KIF27: variants seen among roughly 807,000 people sequenced by gnomAD.
KIF27 encodes kinesin-like protein KIF27.
A neutral mutation model predicts 141.8 loss-of-function variants in KIF27; 84 were observed. The ratio of observed to expected loss-of-function variants is 0.59; its 90% CI spans 0.50 to 0.71. KIF27 has a LOEUF of 0.71. KIF27 is among the 30% of genes least tolerant of loss of function. The probability of loss-of-function intolerance (pLI) is 0.00; values close to 1 mark genes in which losing one functional copy is unlikely to be tolerated. For missense variants in KIF27, 1,306 were observed against 1,628.4 expected (o/e 0.80, Z 3.41); for synonymous variants, 471 against 569.5 (o/e 0.83, Z 2.46).
chr9:83,883,361 G>A (rs1951830320), intron 10 of KIF27, among the ~76,000 whole-genome samples: 1 of 152,088 alleles, frequency 6.6e-6, no homozygotes, highest in African/African-American at 2.4e-5. Context: ...GCTAAAACCA[G>A]GCATTAGGAA....
intron 5 of KIF27, among the ~76,000 whole-genome samples, chr9:83,897,344 G>A (rs1305269728): frequency 6.6e-6 from 1 of 152,112 alleles, no homozygotes; most frequent in Non-Finnish European, 1.5e-5. Context: ...TTATGATAAA[G>A]ATAGCACTCA....
chr9:83,871,779 C>T (rs2132064229), intron 11 of KIF27, among the ~76,000 whole-genome samples: 2 of 151,966 alleles, frequency 1.3e-5, no homozygotes, highest in Middle Eastern at 6.8e-3. Context: ...CCTCCGCCTC[C>T]CAGGTTTCAA....
In KIF27 at chr9:83,903,236, T is replaced by G; in HGVS notation, c.1282A>C (p.Thr428Pro). 6.2e-7 allele frequency: 1 copy of G among 1,614,110 alleles called. No individual in the cohort carries two copies. ...AFTFLVDLKDTVRLNEKQQHK... is the reference protein window; with the variant it reads ...AFTFLVDLKDPVRLNEKQQHK... The stretch of plus-strand genomic sequence containing the variant: ...TGCTGCTTTTCGTTTAGTCTGACAG[T>G]ATCTTTTAGGTCAACCAGGAAGGTA... Residue 428 changes from threonine (T) to proline (P), a missense_variant, in exon 4 of 18, where the codon ACT becomes CCT. Coordinates refer to ENST00000297814, the MANE Select transcript of KIF27 (RefSeq NM_017576.4).
At position 83,837,933 on chromosome 9, in the gene KIF27, T is replaced by C. The variant is rs540926650; in HGVS notation, c.3722-448A>G. 4.6e-4 allele frequency: 73 copies of C among 159,846 alleles called. 2 individuals carry two copies. The South Asian group carries it at 0.013, about 28-fold the overall frequency. The allele number at this position is 159,846 out of a possible 1,614,324, so 9.9% of individuals were successfully genotyped here. ...GCATTATATGTGTGGGAATCTGGCCTTGGTTGGCACTCCCAGCATGATAGC... is the reference window on the plus strand; with the variant it reads ...GCATTATATGTGTGGGAATCTGGCCCTGGTTGGCACTCCCAGCATGATAGC... On this transcript the variant is annotated intron_variant, in intron 17 of 17. Transcript: ENST00000297814.
At chr9:83,908,107 C>T (rs1207292739) in intron 3 of KIF27, among the ~76,000 whole-genome samples, 1 of 151,802 alleles carries the variant, frequency 6.6e-6, no homozygotes, top group Non-Finnish European at 1.5e-5. Flanking sequence ...ACTAAAAATA[C>T]AAAAATTAGC....
At chr9:83,859,920 C>T (rs998280954) in intron 13 of KIF27, 1 of 151,378 alleles carries the variant, frequency 6.6e-6, no homozygotes, top group Non-Finnish European at 1.5e-5. Flanking sequence ...CAAGAATTGC[C>T]TTGACTAGGT....
At chr9:83,904,991 AG>A (rs1954351916) in intron 3 of KIF27, among the ~76,000 whole-genome samples, 1 of 152,160 alleles carries the variant, frequency 6.6e-6, no homozygotes, top group Non-Finnish European at 1.5e-5. Flanking sequence ...GGCAATTAAA[AG>A]AAAACACTTT....
At chr9:83,888,655 T>C (rs186860483) in intron 7 of KIF27, 63 bp from the exon 8 acceptor site, 57 of 940,472 alleles carry the variant, frequency 6.1e-5, no homozygotes, top group Admixed American at 1.5e-4. Flanking sequence ...CTCAAATTAG[T>C]TTCCCCGAAA....
chr9:83,845,915 C>CG (rs1947217520), intron 16 of KIF27, among the ~76,000 whole-genome samples: 1 of 152,154 alleles, frequency 6.6e-6, no homozygotes, highest in Non-Finnish European at 1.5e-5. Flanking sequence ...TGCTCACCAA[C>CG]GGATGACCTC....
At chr9:83,874,519 C>T (rs1430999266) in intron 11 of KIF27, among the ~76,000 whole-genome samples, 5 of 152,128 alleles carry the variant, frequency 3.3e-5, no homozygotes, top group Admixed American at 1.3e-4. Flanking sequence ...TCTGTTTTTG[C>T]ATTAAGTAGA....
intron 2 of KIF27, among the ~76,000 whole-genome samples, chr9:83,913,621 GA>G (rs1955406117): frequency 6.6e-6 from 1 of 152,144 alleles, no homozygotes. Context: ...ATTTTTAGTA[GA>G]GACAGGGTTT....
chr9:83,863,633 TTC>T (rs1235949952), intron 13 of KIF27: 1 of 152,224 alleles, frequency 6.6e-6, no homozygotes, highest in African/African-American at 2.4e-5. Flanking sequence ...TGGTCTAAAA[TTC>T]TCTTTTTTTG....
Position 83,903,949 on chromosome 9 carries a change from T to C in KIF27, c.569A>G (p.Asn190Ser). The C allele has an allele frequency of 3.7e-6, 6 of 1,614,180 alleles. No homozygotes were observed. Among genetic ancestry groups the C allele is most frequent in the Non-Finnish European group, 5.1e-6 (6 of 1,180,022 alleles). Residue 190 changes from asparagine to serine, a missense_variant, in exon 4 of 18, where the codon AAT (asparagine) becomes AGT (serine). Around this residue, in one of 4 missense-constraint regions of KIF27, gnomAD observed 533 missense variants for 565.6 expected, o/e 0.94. Coordinates refer to ENST00000297814, the MANE Select transcript of KIF27 (RefSeq NM_017576.4). ...GEVMSLLEMG[N>S]AARHTGTTQM... ...AGTGGTACCTGTATGTCTGGCTGCA[T>C]TCCCCATCTCCAAAAGACTCATCAC...
At chr9:83,919,353 G>C (rs571004335) in intron 1 of KIF27, among the ~76,000 whole-genome samples, 1 of 152,110 alleles carries the variant, frequency 6.6e-6, no homozygotes, top group Non-Finnish European at 1.5e-5. Flanking sequence ...CATTGTGTTC[G>C]CATAAAAACT....
At position 83,842,236 on chromosome 9, in the gene KIF27, C is replaced by T. The variant is rs1465834901; in HGVS notation, c.3721+1G>A. On this transcript the variant is annotated splice_donor_variant, in intron 17 of 17. Coordinates refer to ENST00000297814, the MANE Select transcript of KIF27 (RefSeq NM_017576.4). LOFTEE classifies it high-confidence loss of function. ...AAGAGTGACAACACTAAAAGTCTTA[C>T]ACTCTGATGGTGCTAGTTGCCGCCG... The T allele has an allele frequency of 6.5e-7, 1 of 1,545,008 alleles. No individual in the cohort carries two copies. Among genetic ancestry groups the T allele is most frequent in the Non-Finnish European group, 8.7e-7 (1 of 1,155,316 alleles).
Position 83,853,982 on chromosome 9 carries a change from A to G in KIF27, c.3151-147T>C, listed in dbSNP as rs537338442. 8 of 624,932 alleles carry G rather than the reference A, an allele frequency of 1.3e-5. No individual in the cohort carries two copies. In the South Asian group the frequency reaches 1.6e-4, roughly 12 times the overall value. The allele number at this position is 624,932 out of a possible 1,614,324, so 38.7% of individuals were successfully genotyped here. A position where few individuals can be genotyped will look rare whatever the true frequency, so the allele number is the denominator to read the frequency against. Reference sequence around the variant, plus strand: ...AGAAAATGTTTTTTGAGCGCTTGCTATGCCACATAATGCAGTGTGTGTATA... The same window carrying G: ...AGAAAATGTTTTTTGAGCGCTTGCTGTGCCACATAATGCAGTGTGTGTATA... On this transcript the variant is annotated intron_variant, in intron 14 of 17. Transcript: ENST00000297814.
chr9:83,919,346 T>G (rs1956021595), intron 1 of KIF27, among the ~76,000 whole-genome samples: 1 of 152,104 alleles, frequency 6.6e-6, no homozygotes, highest in Non-Finnish European at 1.5e-5. Context: ...ATGAAAACAT[T>G]GTGTTCGCAT....
At chr9:83,873,879 GTC>G (rs1386783287) in intron 11 of KIF27, among the ~76,000 whole-genome samples, 10 of 152,102 alleles carry the variant, frequency 6.6e-5, no homozygotes, top group Non-Finnish European at 1.5e-4. Flanking sequence ...GAAACCCTGT[GTC>G]TCTATTAAAA....
chr9:83,878,498 A>G lies in KIF27; in HGVS notation c.2643+1799T>C, dbSNP rs1270114750. Among the ~76,000 whole-genome samples the G allele has an allele frequency of 4.9e-4, 74 of 152,296 alleles. 1 individual carries two copies. The highest frequency in any genetic ancestry group is 2.1e-4 in the Non-Finnish European group (14 of 68,028). On this transcript the variant is annotated intron_variant, in intron 11 of 17. Coordinates refer to ENST00000297814, the MANE Select transcript of KIF27 (RefSeq NM_017576.4). Reference sequence around the variant, plus strand: ...TCACAATAGCCAAATGGTAGAAACAACTCAAGTGTCCATTGATGGATGAAT... The same window carrying G: ...TCACAATAGCCAAATGGTAGAAACAGCTCAAGTGTCCATTGATGGATGAAT...
Sources: allele counts gnomAD v4.1 joint callset (sites outside exome capture counted in the v4.1 genomes callset), GRCh38; gene constraint gnomAD v4.1.1; regional missense constraint gnomAD v4.1.1; transcripts MANE v1.5; gene names NCBI Gene and HGNC (gene_info 2026-07-23, HGNC 2026-07-21).